The following MXI1 variants were observed in gnomAD, a reference collection of about 807,000 sequenced individuals.
MXI1 encodes the protein max-interacting protein 1.
A neutral mutation model predicts 36.9 loss-of-function variants in MXI1; 18 were observed. That is an observed-to-expected ratio of 0.49 (90% CI 0.34 to 0.72). The LOEUF (loss-of-function observed/expected upper bound fraction) is 0.72, where lower values mean the gene tolerates loss of function less well. Among genes scored for constraint, MXI1 ranks in the 30% least tolerant of loss-of-function variants. The probability of loss-of-function intolerance (pLI) is 0.01; values close to 1 mark genes in which losing one functional copy is unlikely to be tolerated. For synonymous variants in MXI1, 160 were observed against 146.7 expected, an observed-to-expected ratio of 1.09 and a Z score of -0.65; for missense variants, 304 against 379.1, an observed-to-expected ratio of 0.80 and a Z score of 1.64.
chr10:110,240,577 A>T (rs1855635286), intron 2 of MXI1, among the ~76,000 whole-genome samples: 1 of 152,070 alleles, frequency 6.6e-6, no homozygotes, highest in Non-Finnish European at 1.5e-5. Flanking sequence ...GTCTTAAAAG[A>T]AGAATAATAA....
At chr10:110,264,599 C>G (rs896681957) in intron 3 of MXI1, among the ~76,000 whole-genome samples, 2 of 151,880 alleles carry the variant, frequency 1.3e-5, no homozygotes, top group African/African-American at 4.8e-5. Flanking sequence ...CTCCTGACCT[C>G]GTGATCCGCC....
chr10:110,208,178 CG>C (rs1469233431), intron 1 of MXI1, 96 bp downstream of exon 1: 1 of 1,297,630 alleles, frequency 7.7e-7, no homozygotes, highest in Non-Finnish European at 1.0e-6. Context: ...GTCCCCCCCC[CG>C]CCCAACATAC....
chr10:110,274,414 C>A (rs1436017821), intron 3 of MXI1, among the ~76,000 whole-genome samples: 3 of 152,008 alleles, frequency 2.0e-5, no homozygotes, highest in African/African-American at 7.3e-5. Flanking sequence ...TTGTGTAACC[C>A]CATCCCTCTC....
chr10:110,256,528 A>G (rs1404398826), intron 3 of MXI1, among the ~76,000 whole-genome samples: 1 of 145,440 alleles, frequency 6.9e-6, no homozygotes, highest in Non-Finnish European at 1.5e-5. Context: ...ACTTGAACCA[A>G]GGCAGCAGAG....
intron 5 of MXI1, among the ~76,000 whole-genome samples, chr10:110,283,873 T>C (rs1857348811): frequency 6.6e-6 from 1 of 150,912 alleles, no homozygotes; most frequent in African/African-American, 2.4e-5. Flanking sequence ...CTCAACCTCC[T>C]GGGCTCAAGA....
At chr10:110,249,570 CTT>C (rs1855996753) in intron 3 of MXI1, among the ~76,000 whole-genome samples, 1 of 129,860 alleles carries the variant, frequency 7.7e-6, no homozygotes, top group Non-Finnish European at 1.6e-5. Flanking sequence ...CAGAGCAAGA[CTT>C]TGTCAAAAAA....
chr10:110,259,261 T>G (rs1856422791), intron 3 of MXI1, among the ~76,000 whole-genome samples: 1 of 152,088 alleles, frequency 6.6e-6, no homozygotes, highest in Non-Finnish European at 1.5e-5. Flanking sequence ...AGGAAGAGTT[T>G]AATTAATAGA....
rs1175661048 is a variant in MXI1 at position 110,236,088 on chromosome 10, A to T, written c.407+7767A>T. Reference sequence around the variant, plus strand: ...TTAGATTTAAAATTCATTTAGAGTTAATTTTTGTAGAGGGTGTGAAGTAAA... The same window carrying T: ...TTAGATTTAAAATTCATTTAGAGTTTATTTTTGTAGAGGGTGTGAAGTAAA... On this transcript the variant is annotated intron_variant, in intron 2 of 5. Transcript: ENST00000332674. 2.4e-5 allele frequency among the ~76,000 whole-genome samples: 3 copies of T among 124,884 alleles called. No individual in the cohort carries two copies. The East Asian group carries it at 7.7e-4, about 32-fold the overall frequency. 81.9% of individuals were successfully genotyped at this position (124,884 alleles called of 152,430 possible).
intron 1 of MXI1, chr10:110,226,127 G>A: frequency 7.7e-7 from 1 of 1,292,084 alleles, no homozygotes; most frequent in African/African-American, 1.6e-5. Context: ...TTCCGGAACG[G>A]CGCCCGGCCG....
chr10:110,207,921 T>C lies in MXI1; in HGVS notation c.113T>C (p.Leu38Pro), dbSNP rs1227415522. The change falls in exon 1 of 6, where the codon CTG becomes CCG. Residue 38 changes from leucine to proline, a missense_variant. Physicochemically the swap from Leu to Pro is moderately conservative, Grantham distance 98 (BLOSUM62 -3). This residue lies in a region of MXI1 where 179 missense variants were observed against 184.8 expected (regional missense o/e 0.97). Coordinates refer to ENST00000332674, the MANE Select transcript of MXI1 (RefSeq NM_130439.3). ...PAVAAPQPPA[L>P]PEDPAGAKPR... Reference sequence around the variant, plus strand: ...GTGGCCGCGCCCCAGCCCCCGGCCCTGCCCGAGGACCCCGCTGGGGCCAAG... The same window carrying C: ...GTGGCCGCGCCCCAGCCCCCGGCCCCGCCCGAGGACCCCGCTGGGGCCAAG... 2 of 1,524,750 alleles carry C rather than the reference T, an allele frequency of 1.3e-6. No individual in the cohort carries two copies. Among genetic ancestry groups the C allele is most frequent in the East Asian group, 5.6e-5 (2 of 35,784 alleles). 94.5% of individuals were successfully genotyped at this position (1,524,750 alleles called of 1,614,324 possible).
intron 1 of MXI1, among the ~76,000 whole-genome samples, chr10:110,218,442 TC>T (rs564179743): frequency 6.6e-5 from 8 of 121,324 alleles, no homozygotes; most frequent in Non-Finnish European, 6.3e-5. Context: ...AGAGTAAGAC[TC>T]CATCTCAAAA....
chr10:110,238,814 TTCATA>T (rs1439496886), intron 2 of MXI1, among the ~76,000 whole-genome samples: 7 of 152,198 alleles, frequency 4.6e-5, no homozygotes, highest in Admixed American at 1.3e-4. Context: ...AAGAAATTTG[TTCATA>T]TCATCTAAGT....
intron 3 of MXI1, among the ~76,000 whole-genome samples, chr10:110,255,589 A>G (rs897600974): frequency 1.3e-5 from 2 of 152,248 alleles, no homozygotes; most frequent in African/African-American, 4.8e-5. Context: ...TAAAATACCT[A>G]GGAATAAATG....
intron 3 of MXI1, among the ~76,000 whole-genome samples, chr10:110,252,507 T>C (rs1357758275): frequency 6.6e-6 from 1 of 152,144 alleles, no homozygotes; most frequent in African/African-American, 2.4e-5. Context: ...TTCATCATTA[T>C]TTAGTTCTCA....
chr10:110,225,484 C>A (rs1854930654), intron 1 of MXI1, among the ~76,000 whole-genome samples: 1 of 152,162 alleles, frequency 6.6e-6, no homozygotes, highest in Non-Finnish European at 1.5e-5. Context: ...GCAATTTTGG[C>A]TTTTCCAGTT....
At chr10:110,283,491 C>T (rs968414560) in intron 5 of MXI1, among the ~76,000 whole-genome samples, 3 of 152,078 alleles carry the variant, frequency 2.0e-5, no homozygotes, top group East Asian at 1.9e-4. Flanking sequence ...GTCTTGAACT[C>T]CTGACCTCGT....
chr10:110,226,015 T>C, intron 1 of MXI1: 1 of 981,882 alleles, frequency 1.0e-6, no homozygotes. Context: ...ACGCGCGGGC[T>C]GCCCGCGGCA....
rs749750258 is a variant in MXI1, at chr10:110,284,828, G to C, written c.729G>C (p.Glu243Asp). The change falls in exon 6 of 6, where the codon GAG becomes GAC. Residue 243 changes from glutamate to aspartate, a missense_variant. Glu to Asp is a conservative substitution (Grantham distance 45, BLOSUM62 2). Coordinates refer to ENST00000332674, the MANE Select transcript of MXI1 (RefSeq NM_130439.3). ...TTTTTTTTTTTCCTTTGGCAGAGGAGATTGAAGTGGATGTTGAAAGCACAG... is the reference window on the plus strand; with the variant it reads ...TTTTTTTTTTTCCTTTGGCAGAGGACATTGAAGTGGATGTTGAAAGCACAG... The part of the protein sequence containing the change: ...SSDRSDSERE[E>D]IEVDVESTEF... The C allele has an allele frequency of 1.2e-6, 2 of 1,601,178 alleles. No homozygotes were observed. Among genetic ancestry groups the C allele is most frequent in the South Asian group, 1.1e-5 (1 of 88,436 alleles).
At chr10:110,269,188 GCTCT>G (rs777046986) in intron 3 of MXI1, among the ~76,000 whole-genome samples, 29 of 152,262 alleles carry the variant, frequency 1.9e-4, no homozygotes, top group Non-Finnish European at 3.8e-4. Context: ...TAATCGTTTA[GCTCT>G]CTATTTCAGG....
Sources: allele counts gnomAD v4.1 joint callset (sites outside exome capture counted in the v4.1 genomes callset), GRCh38; gene constraint gnomAD v4.1.1; regional missense constraint gnomAD v4.1.1; transcripts MANE v1.5; gene names NCBI Gene and HGNC (gene_info 2026-07-23, HGNC 2026-07-21).